The following GREM2 variants were observed in gnomAD, a reference collection of about 807,000 sequenced individuals.
GREM2 encodes the protein gremlin 2, DAN family BMP antagonist.
Under a neutral mutation model 14.2 loss-of-function variants are expected in GREM2, and 11 were observed. The ratio of observed to expected loss-of-function variants is 0.78; its 90% CI spans 0.49 to 1.28. GREM2 has a LOEUF of 1.28. GREM2 is among the 50% of genes most tolerant of loss of function. The pLI, the probability that GREM2 is intolerant of heterozygous loss-of-function variation, is 0.00. For synonymous variants in GREM2, 98 were observed against 97.6 expected (o/e 1.00, Z -0.02); for missense variants, 210 against 218.5 (o/e 0.96, Z 0.24).
chr1:240,604,025 G>C (rs1213302628), intron 1 of GREM2, among the ~76,000 whole-genome samples: 1 of 151,456 alleles, frequency 6.6e-6, no homozygotes, highest in Non-Finnish European at 1.5e-5. Flanking sequence ...TCACGGCGAG[G>C]GGTTAAGGGG....
rs939984133 is a variant in GREM2, at chr1:240,586,345, C to T, written c.-2+25539G>A. Among the ~76,000 whole-genome samples, 3 of 152,180 alleles carry T rather than the reference C, an allele frequency of 2.0e-5. No homozygotes were observed. In the East Asian group the frequency reaches 5.8e-4, roughly 29 times the overall value. Reference sequence around the variant, plus strand: ...GGTAATTAATCTAATTTGACTTTCTCCTGATCACTACTTAGCAGAAATGGA... The same window carrying T: ...GGTAATTAATCTAATTTGACTTTCTTCTGATCACTACTTAGCAGAAATGGA... On this transcript the variant is annotated intron_variant, in intron 1 of 1. Coordinates refer to ENST00000318160, the MANE Select transcript of GREM2 (RefSeq NM_022469.4).
chr1:240,563,392 G>A lies in GREM2; in HGVS notation c.-2+48492C>T, dbSNP rs141544781. 1.9e-4 allele frequency among the ~76,000 whole-genome samples: 29 copies of A among 152,262 alleles called. 1 individual carries two copies. The East Asian group carries it at 5.2e-3, about 27-fold the overall frequency. On this transcript the variant is annotated intron_variant, in intron 1 of 1. Transcript: ENST00000318160. ...TGGACTTCTCTCTGTTTGTTACTGC[G>A]TATGGAAGGGCAAGAAGTAAGTTAG...
chr1:240,526,855 G>C (rs1678234253), intron 1 of GREM2, among the ~76,000 whole-genome samples: 1 of 152,198 alleles, frequency 6.6e-6, no homozygotes, highest in African/African-American at 2.4e-5. Flanking sequence ...GCATTTCTAA[G>C]TGACTTTTCT....
chr1:240,576,508 C>T (rs1406937017), intron 1 of GREM2, among the ~76,000 whole-genome samples: 1 of 152,096 alleles, frequency 6.6e-6, no homozygotes, highest in Non-Finnish European at 1.5e-5. Context: ...GGTTTCGTTT[C>T]GTTACAAAAC....
Position 240,580,754 on chromosome 1 carries a change from G to A in GREM2, c.-2+31130C>T, listed in dbSNP as rs576738079. ...CACCCAATTATATTTTAAATTTTTT[G>A]AAGAGATGGTGTCTCACTATTTTGC... On this transcript the variant is annotated intron_variant, in intron 1 of 1. Transcript: ENST00000318160. Among the ~76,000 whole-genome samples the A allele has an allele frequency of 1.5e-4, 23 of 152,146 alleles. No homozygotes were observed. The East Asian group carries it at 2.7e-3, about 18-fold the overall frequency.
chr1:240,537,785 AAAAC>A (rs59649704), intron 1 of GREM2, among the ~76,000 whole-genome samples: 4 of 151,296 alleles, frequency 2.6e-5, no homozygotes, highest in Non-Finnish European at 4.4e-5. Flanking sequence ...CTCTGTCTCA[AAAAC>A]AAACAAACAA....
At chr1:240,571,203 A>G (rs1320210412) in intron 1 of GREM2, among the ~76,000 whole-genome samples, 1 of 152,200 alleles carries the variant, frequency 6.6e-6, no homozygotes, top group African/African-American at 2.4e-5. Context: ...AACATTCCCT[A>G]CCACAGGCAG....
chr1:240,587,823 C>T (rs943677216), intron 1 of GREM2, among the ~76,000 whole-genome samples: 4 of 152,206 alleles, frequency 2.6e-5, no homozygotes, highest in African/African-American at 9.7e-5. Flanking sequence ...CCTACCTATG[C>T]TAGATTCTGA....
intron 1 of GREM2, among the ~76,000 whole-genome samples, chr1:240,521,966 T>C (rs910564008): frequency 4.6e-5 from 7 of 151,352 alleles, no homozygotes; most frequent in Admixed American, 1.3e-4. Context: ...AAAATTTTTT[T>C]TTAATTAGCT....
intron 1 of GREM2, among the ~76,000 whole-genome samples, chr1:240,606,175 A>C (rs149789879): frequency 6.6e-6 from 1 of 152,324 alleles, no homozygotes; most frequent in African/African-American, 2.4e-5. Context: ...ATCTCAATAG[A>C]TTCAGATCAG....
rs573728872 is a variant in GREM2 at position 240,563,107 on chromosome 1, ATG to A, written c.-2+48775_-2+48776del. Reference sequence around the variant, plus strand: ...AGTGTGTGTATGCGTGTATGTGTGTATGTGTGTATATGTGAGTGTGTATGTGT... The same window carrying A: ...AGTGTGTGTATGCGTGTATGTGTGTATGTGTATATGTGAGTGTGTATGTGT... On this transcript the variant is annotated intron_variant, in intron 1 of 1. Transcript: ENST00000318160. 3.4e-4 allele frequency among the ~76,000 whole-genome samples: 46 copies of A among 135,640 alleles called. No individual in the cohort carries two copies. In the South Asian group the frequency reaches 8.1e-3, roughly 24 times the overall value. 89.0% of individuals were successfully genotyped at this position (135,640 alleles called of 152,430 possible).
At chr1:240,566,565 G>A (rs2103358350) in intron 1 of GREM2, among the ~76,000 whole-genome samples, 1 of 152,250 alleles carries the variant, frequency 6.6e-6, no homozygotes, top group African/African-American at 2.4e-5. Context: ...TGAGAGAGAG[G>A]TGCAGTGATC....
Position 240,540,763 on chromosome 1 carries a change from A to C in GREM2, c.-1-47287T>G, listed in dbSNP as rs532586422. On this transcript the variant is annotated intron_variant, in intron 1 of 1. Coordinates refer to ENST00000318160, the MANE Select transcript of GREM2 (RefSeq NM_022469.4). The surrounding 1 kb of genome is among the most constrained non-coding windows in gnomAD (Gnocchi z 4.2). ...TTTTTAGTAGAGACAGGGTTTCACC[A>C]TGTTGACCAGGGTGGTCTTGATCTA... 8.5e-5 allele frequency among the ~76,000 whole-genome samples: 13 copies of C among 152,174 alleles called. No homozygotes were observed. The South Asian group carries it at 2.7e-3, about 32-fold the overall frequency.
intron 1 of GREM2, 65 bp from the exon 2 acceptor site, chr1:240,493,541 A>T (rs45519645): frequency 0.31 from 376,138 of 1,217,862 alleles, 50,572 homozygotes; most frequent in South Asian, 0.44. Flanking sequence ...AATCTTACTT[A>T]TTTTTTTTTT....
At chr1:240,517,414 G>A (rs1032854123) in intron 1 of GREM2, among the ~76,000 whole-genome samples, 7 of 152,050 alleles carry the variant, frequency 4.6e-5, no homozygotes, top group African/African-American at 1.7e-4. Context: ...GTTTTCCACT[G>A]GGTCTTATAT....
chr1:240,495,130 A>C (rs1677379081), intron 1 of GREM2, among the ~76,000 whole-genome samples: 1 of 152,230 alleles, frequency 6.6e-6, no homozygotes, highest in South Asian at 2.1e-4. Flanking sequence ...TCACATTTTA[A>C]ATTTTTGTAT....
chr1:240,526,331 G>GT (rs1269162847), intron 1 of GREM2, among the ~76,000 whole-genome samples: 1 of 152,194 alleles, frequency 6.6e-6, no homozygotes, highest in African/African-American at 2.4e-5. Flanking sequence ...CGGATGGGTA[G>GT]TTTGGGGGTG....
chr1:240,566,037 C>T (rs770596697), intron 1 of GREM2, among the ~76,000 whole-genome samples: 15 of 152,080 alleles, frequency 9.9e-5, no homozygotes, highest in Non-Finnish European at 1.9e-4. Context: ...AATCATTTAA[C>T]CTCTGAGCTT....
chr1:240,556,773 A>C (rs1484548303), intron 1 of GREM2, among the ~76,000 whole-genome samples: 1 of 152,220 alleles, frequency 6.6e-6, no homozygotes, highest in Non-Finnish European at 1.5e-5. Context: ...AACTTGAAGA[A>C]ATCTCCACAA....
Sources: gnomAD v4.1 joint callset for allele counts (sites outside exome capture counted in the v4.1 genomes callset) on GRCh38, gnomAD v4.1.1 for gene constraint, Gnocchi (gnomAD v3.1) non-coding constraint, MANE v1.5 for transcripts, NCBI Gene and HGNC (gene_info 2026-07-23, HGNC 2026-07-21) for gene names.